GRID2: variants seen among roughly 807,000 people sequenced by gnomAD.
GRID2 encodes the protein glutamate ionotropic receptor delta type subunit 2.
A neutral mutation model predicts 114.8 loss-of-function variants in GRID2; 33 were observed. The ratio of observed to expected loss-of-function variants is 0.29; its 90% CI spans 0.22 to 0.38. The LOEUF (loss-of-function observed/expected upper bound fraction) is 0.38, where lower values mean the gene tolerates loss of function less well. GRID2 is among the 10% of genes least tolerant of loss of function. The probability of loss-of-function intolerance (pLI) is 1.00; values close to 1 mark genes in which losing one functional copy is unlikely to be tolerated. For missense variants in GRID2, 1,184 were observed against 1,257.7 expected (o/e 0.94, Z 0.89); for synonymous variants, 505 against 449.9 (o/e 1.12, Z -1.55).
chr4:92,448,953 T>G (rs1173375049), intron 1 of GRID2, among the ~76,000 whole-genome samples: 2 of 152,148 alleles, frequency 1.3e-5, no homozygotes, highest in African/African-American at 4.8e-5. Flanking sequence ...TATAGTCATA[T>G]TGCTCATGTA....
chr4:93,484,282 A>T (rs1726161656), intron 11 of GRID2, among the ~76,000 whole-genome samples: 1 of 151,864 alleles, frequency 6.6e-6, no homozygotes, highest in Non-Finnish European at 1.5e-5. Context: ...CTCTTCCCAA[A>T]GGTAACCATC....
intron 2 of GRID2, among the ~76,000 whole-genome samples, chr4:92,655,748 A>C (rs1358249623): frequency 2.0e-5 from 3 of 151,606 alleles, no homozygotes; most frequent in African/African-American, 7.3e-5. Context: ...CAAATGTATC[A>C]GTTCTAAGTC....
intron 2 of GRID2, among the ~76,000 whole-genome samples, chr4:92,616,929 G>A (rs2149234517): frequency 6.6e-6 from 1 of 151,252 alleles, no homozygotes; most frequent in East Asian, 2.0e-4. Flanking sequence ...CATAATAATG[G>A]CATATATTTA....
chr4:93,360,321 A>C (rs189124180), intron 8 of GRID2, among the ~76,000 whole-genome samples: 1 of 151,958 alleles, frequency 6.6e-6, no homozygotes, highest in East Asian at 1.9e-4. Context: ...GAAATAATGT[A>C]TTCTAACCTT....
At chr4:93,514,460 C>CACACA (rs1037610536) in intron 12 of GRID2, among the ~76,000 whole-genome samples, 1 of 149,804 alleles carries the variant, frequency 6.7e-6, no homozygotes, top group African/African-American at 2.5e-5. Flanking sequence ...CACACACACA[C>CACACA]AATGCTAAAG....
intron 3 of GRID2, among the ~76,000 whole-genome samples, chr4:93,086,209 A>G (rs1053783069): frequency 6.6e-6 from 1 of 152,198 alleles, no homozygotes; most frequent in Non-Finnish European, 1.5e-5. Context: ...TTTCCTGTTC[A>G]GTAGGAATGG....
At chr4:92,337,589 G>A (rs1727253828) in intron 1 of GRID2, among the ~76,000 whole-genome samples, 2 of 152,196 alleles carry the variant, frequency 1.3e-5, no homozygotes, top group East Asian at 1.9e-4. Context: ...TCTTCACAAG[G>A]CTGCTGGAGA....
intron 2 of GRID2, among the ~76,000 whole-genome samples, chr4:92,952,700 G>C (rs997362838): frequency 4.6e-5 from 7 of 152,186 alleles, no homozygotes; most frequent in Non-Finnish European, 1.0e-4. Flanking sequence ...TCAAGTAGTA[G>C]TATCTTTCTC....
intron 2 of GRID2, among the ~76,000 whole-genome samples, chr4:92,794,905 T>TATATATATATATATATAC (rs745392261): frequency 3.8e-4 from 49 of 127,786 alleles, no homozygotes; most frequent in African/African-American, 8.6e-4. Context: ...TATATATATA[T>TATATATATATATATATAC]ACACACACAC....
At chr4:92,843,646 T>C (rs996281527) in intron 2 of GRID2, among the ~76,000 whole-genome samples, 1 of 152,200 alleles carries the variant, frequency 6.6e-6, no homozygotes, top group East Asian at 1.9e-4. Flanking sequence ...TAGAAGATTC[T>C]GCATCCAATG....
At chr4:93,116,790 T>G (rs1006889085) in intron 4 of GRID2, among the ~76,000 whole-genome samples, 1 of 151,980 alleles carries the variant, frequency 6.6e-6, no homozygotes, top group Non-Finnish European at 1.5e-5. Flanking sequence ...CTGTGTTAGA[T>G]AAGCTGTGTA....
chr4:92,312,468 C>T (rs958576152), intron 1 of GRID2, among the ~76,000 whole-genome samples: 1 of 152,002 alleles, frequency 6.6e-6, no homozygotes, highest in African/African-American at 2.4e-5. Flanking sequence ...ACAGGATTTT[C>T]TGATAGATGA....
intron 4 of GRID2, among the ~76,000 whole-genome samples, chr4:93,118,729 G>A (rs1051030265): frequency 3.3e-5 from 5 of 152,144 alleles, no homozygotes; most frequent in African/African-American, 1.2e-4. Flanking sequence ...AAGCTGGAAA[G>A]AAACTGATGG....
At chr4:93,213,220 G>T (rs941792664) in intron 5 of GRID2, among the ~76,000 whole-genome samples, 4 of 151,902 alleles carry the variant, frequency 2.6e-5, no homozygotes, top group Non-Finnish European at 5.9e-5. Context: ...TCTTCCTGTT[G>T]GTACATAGCC....
chr4:92,574,624 C>A (rs1270462171), intron 1 of GRID2, among the ~76,000 whole-genome samples: 5 of 152,060 alleles, frequency 3.3e-5, no homozygotes, highest in Non-Finnish European at 7.4e-5. Context: ...ATTGGAAATT[C>A]TGTTCTTTAA....
chr4:92,652,113 G>T (rs1156400100), intron 2 of GRID2, among the ~76,000 whole-genome samples: 2 of 151,958 alleles, frequency 1.3e-5, no homozygotes, highest in Non-Finnish European at 2.9e-5. Context: ...TTTATGGTGT[G>T]GTGAGTCAGA....
At chr4:93,076,916 T>G (rs1437160869) in intron 2 of GRID2, among the ~76,000 whole-genome samples, 1 of 152,176 alleles carries the variant, frequency 6.6e-6, no homozygotes, top group Non-Finnish European at 1.5e-5. Context: ...TCAGGATTTT[T>G]GCCTAAGATC....
At chr4:92,589,610 T>C (rs567554743) in intron 1 of GRID2, among the ~76,000 whole-genome samples, 2 of 152,306 alleles carry the variant, frequency 1.3e-5, no homozygotes, top group South Asian at 4.1e-4. Flanking sequence ...TTTCTATAAA[T>C]ATTATTGACT....
intron 1 of GRID2, among the ~76,000 whole-genome samples, chr4:92,415,385 T>C (rs567210184): frequency 7.0e-4 from 106 of 151,996 alleles, no homozygotes; most frequent in African/African-American, 2.4e-3. Context: ...AAAAGTTCTT[T>C]AGTGGTGGTT....
Sources: allele counts gnomAD v4.1 joint callset (sites outside exome capture counted in the v4.1 genomes callset), GRCh38; gene constraint gnomAD v4.1.1; transcripts MANE v1.5; gene names NCBI Gene and HGNC (gene_info 2026-07-23, HGNC 2026-07-21).